The following SLIT2 variants were observed in gnomAD, a reference collection of about 807,000 sequenced individuals.
The protein encoded by SLIT2 is slit guidance ligand 2.
SLIT2 carries 41 observed loss-of-function variants against 185.7 expected under a neutral mutation model. The ratio of observed to expected loss-of-function variants is 0.22; its 90% CI spans 0.17 to 0.29. The LOEUF (loss-of-function observed/expected upper bound fraction) is 0.29. Ranked by LOEUF, SLIT2 falls within the 10% of genes least tolerant of loss-of-function variation. The probability of loss-of-function intolerance (pLI) is 1.00; values close to 1 mark genes in which losing one functional copy is unlikely to be tolerated. For missense variants in SLIT2, 1,571 were observed against 1,909.0 expected (o/e 0.82, Z 3.30); for synonymous variants, 693 against 680.2 (o/e 1.02, Z -0.29).
chr4:20,424,620 C>T (rs1295775924), intron 4 of SLIT2, among the ~76,000 whole-genome samples: 1 of 152,040 alleles, frequency 6.6e-6, no homozygotes, highest in East Asian at 1.9e-4. Flanking sequence ...CCATAGAAAT[C>T]TATTTTCTAG....
rs73801882 is a variant in SLIT2, at chr4:20,620,329, G to C, written c.*1320G>C. 2 of 412,930 alleles carry C rather than the reference G, an allele frequency of 4.8e-6. No homozygotes were observed. Among genetic ancestry groups the C allele is most frequent in the African/African-American group, 4.2e-5 (2 of 47,692 alleles). 25.6% of individuals were successfully genotyped at this position (412,930 alleles called of 1,614,324 possible). ...TATCTTAATGCTCCCATGTTAACAT[G>C]TTTGCTGCTAAATTACAATGTAGAA... On this transcript the variant is annotated 3_prime_UTR_variant, in exon 37 of 37. Coordinates refer to ENST00000504154, the MANE Select transcript of SLIT2 (RefSeq NM_004787.4).
chr4:20,512,676 A>G (rs1719862901), intron 11 of SLIT2, among the ~76,000 whole-genome samples: 1 of 152,168 alleles, frequency 6.6e-6, no homozygotes, highest in South Asian at 2.1e-4. Context: ...ATCCAGAGTA[A>G]ACATTGACAA....
chr4:20,560,983 G>A (rs1238691782), intron 26 of SLIT2, among the ~76,000 whole-genome samples: 2 of 151,838 alleles, frequency 1.3e-5, no homozygotes, highest in African/African-American at 2.4e-5. Context: ...TGGTATGGAA[G>A]TCTGGTGATA....
chr4:20,261,577 G>T (rs143143033), intron 3 of SLIT2, among the ~76,000 whole-genome samples: 1 of 151,798 alleles, frequency 6.6e-6, no homozygotes, highest in South Asian at 2.1e-4. Flanking sequence ...CTTTTAGGGG[G>T]ACCCAGATCA....
In SLIT2 at chr4:20,322,357, G is replaced by A. The variant is rs540124840; in HGVS notation, c.395+53476G>A. Among the ~76,000 whole-genome samples, 294 of 152,252 alleles carry A rather than the reference G, an allele frequency of 1.9e-3. 2 individuals carry two copies. The highest frequency in any genetic ancestry group is 3.6e-3 in the Non-Finnish European group (248 of 68,008). ...GTAAGATGAACATTGATTCGGTCCA[G>A]AAACGCAGGACAACTTGAAGTAGAA... is the stretch of plus-strand genomic sequence containing the variant. On this transcript the variant is annotated intron_variant, in intron 4 of 36. Transcript: ENST00000504154.
intron 3 of SLIT2, among the ~76,000 whole-genome samples, chr4:20,265,931 T>C (rs962716158): frequency 4.0e-5 from 6 of 151,896 alleles, no homozygotes; most frequent in Admixed American, 3.3e-4. Flanking sequence ...TATGTTTTAG[T>C]GTCATACCAC....
At chr4:20,575,974 T>C (rs1726058185) in intron 29 of SLIT2, among the ~76,000 whole-genome samples, 1 of 152,200 alleles carries the variant, frequency 6.6e-6, no homozygotes, top group African/African-American at 2.4e-5. Flanking sequence ...CAGTCTTTTA[T>C]TTTTCTTCTG....
intron 5 of SLIT2, among the ~76,000 whole-genome samples, chr4:20,477,162 A>C (rs1238010142): frequency 1.3e-5 from 2 of 151,828 alleles, no homozygotes. Flanking sequence ...CCATAAAAAA[A>C]AAAAAAAAGA....
intron 4 of SLIT2, among the ~76,000 whole-genome samples, chr4:20,294,946 G>T (rs1716320580): frequency 2.0e-5 from 3 of 152,184 alleles, no homozygotes; most frequent in Admixed American, 1.3e-4. Context: ...TTAGAAGAAA[G>T]AGATAAAACA....
At chr4:20,462,480 G>A (rs1310991328) in intron 4 of SLIT2, among the ~76,000 whole-genome samples, 2 of 152,074 alleles carry the variant, frequency 1.3e-5, no homozygotes, top group East Asian at 3.9e-4. Flanking sequence ...AAACTTGAAT[G>A]GCTGTAAGTT....
intron 4 of SLIT2, among the ~76,000 whole-genome samples, chr4:20,319,669 C>T (rs149999353): frequency 5.3e-5 from 8 of 152,112 alleles, no homozygotes; most frequent in Admixed American, 5.2e-4. Context: ...AATAGGCATT[C>T]AGTAAAAACT....
intron 4 of SLIT2, among the ~76,000 whole-genome samples, chr4:20,291,857 G>A (rs1225030339): frequency 6.6e-6 from 1 of 151,710 alleles, no homozygotes; most frequent in African/African-American, 2.4e-5. Flanking sequence ...CTGAAGAAGG[G>A]ACTAAATGAT....
Position 20,542,739 on chromosome 4 carries a change from G to A in SLIT2, c.2276+113G>A. 6 of 1,150,446 alleles carry A rather than the reference G, an allele frequency of 5.2e-6. No individual in the cohort carries two copies. In the Admixed American group the frequency reaches 6.4e-5, roughly 12 times the overall value. 71.3% of individuals were successfully genotyped at this position (1,150,446 alleles called of 1,614,324 possible). On this transcript the variant is annotated intron_variant, in intron 21 of 36. Coordinates refer to ENST00000504154, the MANE Select transcript of SLIT2 (RefSeq NM_004787.4). ...ATCTTCTTTACAAATCATATTCTAA[G>A]GCCAGTTAATTATTATCCTGTAAAA...
intron 22 of SLIT2, among the ~76,000 whole-genome samples, chr4:20,546,378 A>G (rs1723254610): frequency 6.6e-6 from 1 of 152,122 alleles, no homozygotes; most frequent in African/African-American, 2.4e-5. Flanking sequence ...AAACCTGCAG[A>G]TTTTTATTGA....
At chr4:20,393,399 G>C (rs1180099003) in intron 4 of SLIT2, 1 of 152,022 alleles carries the variant, frequency 6.6e-6, no homozygotes, top group African/African-American at 2.4e-5. Flanking sequence ...AGCATTCTCC[G>C]AATATGATAA....
intron 17 of SLIT2, 50 bp downstream of exon 17, chr4:20,532,108 G>GTTCAT: frequency 9.8e-7 from 1 of 1,023,930 alleles, no homozygotes; most frequent in Non-Finnish European, 1.4e-6. Flanking sequence ...TTTTTTGGGT[G>GTTCAT]TTCATTTCAG....
intron 4 of SLIT2, among the ~76,000 whole-genome samples, chr4:20,349,328 T>C (rs900067604): frequency 1.3e-5 from 2 of 152,218 alleles, no homozygotes; most frequent in African/African-American, 2.4e-5. Context: ...TTCCATCTTA[T>C]ATAAACACAA....
intron 33 of SLIT2, among the ~76,000 whole-genome samples, chr4:20,600,852 A>G (rs1363329180): frequency 6.6e-6 from 1 of 151,916 alleles, no homozygotes. Flanking sequence ...TTTTTTAATA[A>G]AAGAGGCAAC....
chr4:20,485,092 A>G (rs1013549808), intron 6 of SLIT2, among the ~76,000 whole-genome samples: 1 of 152,228 alleles, frequency 6.6e-6, no homozygotes, highest in East Asian at 1.9e-4. Context: ...TTCTTTAGTC[A>G]ACACCTCAAT....
Sources: allele counts gnomAD v4.1 joint callset (sites outside exome capture counted in the v4.1 genomes callset), GRCh38; gene constraint gnomAD v4.1.1; transcripts MANE v1.5; gene names NCBI Gene and HGNC (gene_info 2026-07-23, HGNC 2026-07-21).